The following TPRG1 variants were observed in gnomAD, a reference collection of about 807,000 sequenced individuals.
The protein encoded by TPRG1 is tumor protein p63-regulated gene 1 protein.
In TPRG1, 29 loss-of-function variants were observed where a neutral mutation model predicts 29.3. The observed-to-expected ratio is 0.99, with a 90% CI of 0.74 to 1.35. The LOEUF (loss-of-function observed/expected upper bound fraction) is 1.35. Among genes scored for constraint, TPRG1 ranks in the 40% most tolerant of loss-of-function variants. TPRG1 has a pLI of 0.00. For missense variants in TPRG1, 327 were observed against 335.0 expected (o/e 0.98, Z 0.19); for synonymous variants, 130 against 116.8 (o/e 1.11, Z -0.73).
intron 1 of TPRG1, among the ~76,000 whole-genome samples, chr3:189,106,502 G>T (rs1719839545): frequency 6.6e-6 from 1 of 152,068 alleles, no homozygotes; most frequent in African/African-American, 2.4e-5. Context: ...TATATTTAGT[G>T]ATATGATTAT....
At chr3:189,142,215 C>T (rs1003323308) in intron 3 of TPRG1, among the ~76,000 whole-genome samples, 4 of 151,992 alleles carry the variant, frequency 2.6e-5, no homozygotes, top group African/African-American at 4.8e-5. Flanking sequence ...CGTGGTGATG[C>T]GAGGTGGTGG....
At chr3:189,020,610 T>C (rs1713243883) in intron 3 of TPRG1, among the ~76,000 whole-genome samples, 1 of 150,256 alleles carries the variant, frequency 6.7e-6, no homozygotes, top group Non-Finnish European at 1.5e-5. Context: ...TTGTTATAAT[T>C]TCTGTTCTTT....
chr3:189,285,721 CA>C (rs898443186), intron 4 of TPRG1, among the ~76,000 whole-genome samples: 7 of 152,114 alleles, frequency 4.6e-5, no homozygotes, highest in African/African-American at 1.7e-4. Flanking sequence ...ATCTGAGAAT[CA>C]AAAAGGCTGA....
chr3:189,230,505 C>T (rs1738472527), intron 3 of TPRG1, among the ~76,000 whole-genome samples: 1 of 152,202 alleles, frequency 6.6e-6, no homozygotes, highest in African/African-American at 2.4e-5. Context: ...TCTCTTTGCT[C>T]TCTTGCTTCA....
intron 1 of TPRG1, among the ~76,000 whole-genome samples, chr3:189,109,710 C>T (rs1003150487): frequency 6.6e-6 from 1 of 152,126 alleles, no homozygotes; most frequent in African/African-American, 2.4e-5. Flanking sequence ...GTAAAATTTA[C>T]AGACATTCCC....
chr3:189,191,023 A>G (rs1731611984), intron 1 of TPRG1: 1 of 983,496 alleles, frequency 1.0e-6, no homozygotes, highest in East Asian at 1.1e-4. Context: ...TTTACTGTCT[A>G]TTCTGGCTAA....
In TPRG1 at chr3:189,218,114, T is replaced by G. The variant is rs192609034; in HGVS notation, c.302+2731T>G. ...CCCTAGCCTCACCAACCACACAAGA[T>G]TCTCTCTTTTTTTTTTGAGACGGAG... On this transcript the variant is annotated intron_variant, in intron 3 of 5. Transcript: ENST00000345063. The G allele has an allele frequency of 1.0e-4, 92 of 879,320 alleles. 1 individual carries two copies. Among genetic ancestry groups the G allele is most frequent in the Middle Eastern group, 1.2e-3 (2 of 1,726 alleles). The allele number at this position is 879,320 out of a possible 1,614,324, so 54.5% of individuals were successfully genotyped here.
intron 4 of TPRG1, among the ~76,000 whole-genome samples, chr3:189,276,283 G>A (rs984615407): frequency 6.6e-5 from 10 of 152,150 alleles, no homozygotes; most frequent in Admixed American, 6.6e-4. Flanking sequence ...TTGATTTGGT[G>A]CTGGAAGTAG....
chr3:189,140,491 C>T (rs1355147601), intron 3 of TPRG1, among the ~76,000 whole-genome samples: 1 of 152,208 alleles, frequency 6.6e-6, no homozygotes, highest in Non-Finnish European at 1.5e-5. Flanking sequence ...TTAATTACCT[C>T]TTCCTCACCA....
In TPRG1 at chr3:189,206,828, T is replaced by TGTGTGTGTGTGTGTGTGTGCGC. The variant is rs1001912347; in HGVS notation, c.-9-547_-9-546insTGTGTGTGTGTGTGTGTGCGCG. 3.5e-4 allele frequency among the ~76,000 whole-genome samples: 53 copies of TGTGTGTGTGTGTGTGTGTGCGC among 151,898 alleles called. 1 individual carries two copies. The highest frequency in any genetic ancestry group is 1.2e-3 in the African/African-American group (51 of 41,394). On this transcript the variant is annotated intron_variant, in intron 1 of 5. Coordinates refer to ENST00000345063, the MANE Select transcript of TPRG1 (RefSeq NM_198485.4). ...ACAACCGTGTGTGTGTGTGTGTGTG[T>TGTGTGTGTGTGTGTGTGTGCGC]GCACGCGTGTATGCATGTGCGTGTG... is the stretch of plus-strand genomic sequence containing the variant.
chr3:189,225,615 C>T (rs1292211532), intron 3 of TPRG1, among the ~76,000 whole-genome samples: 4 of 152,188 alleles, frequency 2.6e-5, no homozygotes, highest in South Asian at 2.1e-4. Flanking sequence ...GTTATACAAA[C>T]GACTTTTATA....
intron 3 of TPRG1, among the ~76,000 whole-genome samples, chr3:189,016,261 C>T (rs189006443): frequency 1.1e-4 from 16 of 152,110 alleles, no homozygotes; most frequent in Admixed American, 1.0e-3. Context: ...TTGCTTGGGG[C>T]CTGTAGCACC....
chr3:189,219,390 A>C (rs1256228400), intron 3 of TPRG1, among the ~76,000 whole-genome samples: 4 of 152,150 alleles, frequency 2.6e-5, no homozygotes, highest in Non-Finnish European at 5.9e-5. Flanking sequence ...AGAGAATTCT[A>C]ATGAATCTCC....
At chr3:189,081,264 C>T (rs1231621956) in intron 4 of TPRG1, among the ~76,000 whole-genome samples, 4 of 151,938 alleles carry the variant, frequency 2.6e-5, no homozygotes, top group East Asian at 1.9e-4. Context: ...GGAAAAAATG[C>T]GTGGGGAGAG....
intron 1 of TPRG1, among the ~76,000 whole-genome samples, chr3:189,206,012 T>TTTCCTTCCTTCCTTCCTTCCTTCCTACC (rs1734271305): frequency 1.6e-5 from 2 of 125,646 alleles, no homozygotes; most frequent in African/African-American, 2.9e-5. Context: ...TGCAGGTACA[T>TTTCCTTCCTTCCTTCCTTCCTTCCTACC]TTCCTTCCTT....
At chr3:189,168,484 AG>A (rs1374005218), upstream of TPRG1, among the ~76,000 whole-genome samples, 1 of 152,212 alleles carries the variant, frequency 6.6e-6, no homozygotes, top group African/African-American at 2.4e-5. Flanking sequence ...CCGTCAAAGT[AG>A]GTATCTTTTG....
At chr3:189,188,372 T>C (rs1311794620) in intron 1 of TPRG1, among the ~76,000 whole-genome samples, 1 of 152,214 alleles carries the variant, frequency 6.6e-6, no homozygotes, top group Non-Finnish European at 1.5e-5. Context: ...GAAAATATTT[T>C]ACTCTGTTTT....
chr3:189,245,329 A>G (rs1490071195), intron 4 of TPRG1, among the ~76,000 whole-genome samples: 9 of 152,170 alleles, frequency 5.9e-5, no homozygotes, highest in African/African-American at 2.2e-4. Context: ...AAACTTTCCT[A>G]ATATGAACAT....
chr3:189,161,473 T>A (rs1419818343), intron 5 of TPRG1, among the ~76,000 whole-genome samples: 1 of 149,794 alleles, frequency 6.7e-6, no homozygotes, highest in Non-Finnish European at 1.5e-5. Context: ...TCTTTTTTTT[T>A]ATTATTATTA....
Sources: gnomAD v4.1 joint callset for allele counts (sites outside exome capture counted in the v4.1 genomes callset) on GRCh38, gnomAD v4.1.1 for gene constraint, MANE v1.5 for transcripts, NCBI Gene and HGNC (gene_info 2026-07-23, HGNC 2026-07-21) for gene names.